OSBP2: variants seen among roughly 807,000 people sequenced by gnomAD.
OSBP2 encodes oxysterol binding protein 2, also known as oxysterol-binding protein 2.
In OSBP2, 66 loss-of-function variants were observed where a neutral mutation model predicts 96.0. That is an observed-to-expected ratio of 0.69 (90% CI 0.56 to 0.84). The LOEUF (loss-of-function observed/expected upper bound fraction) is 0.84, where lower values mean the gene tolerates loss of function less well. OSBP2 is among the 40% of genes least tolerant of loss of function. OSBP2 has a pLI of 0.00. For missense variants in OSBP2, 1,038 were observed against 1,222.7 expected, an observed-to-expected ratio of 0.85 and a Z score of 2.25; for synonymous variants, 525 against 520.9, an observed-to-expected ratio of 1.01 and a Z score of -0.11.
At chr22:30,882,069 T>G (rs2039714789) in intron 3 of OSBP2, among the ~76,000 whole-genome samples, 1 of 152,172 alleles carries the variant, frequency 6.6e-6, no homozygotes, top group African/African-American at 2.4e-5. Flanking sequence ...CAGCTGGCCC[T>G]TTGGTAGCCT....
intron 2 of OSBP2, among the ~76,000 whole-genome samples, chr22:30,749,396 C>A (rs1340931317): frequency 6.6e-6 from 1 of 152,116 alleles, no homozygotes; most frequent in Non-Finnish European, 1.5e-5. Flanking sequence ...GAGTGCCCAA[C>A]CTCCTGGGAA....
chr22:30,860,779 G>T (rs5997792), intron 2 of OSBP2, among the ~76,000 whole-genome samples: 46,844 of 152,136 alleles, frequency 0.31, 7,918 homozygotes, highest in African/African-American at 0.46. Context: ...TAGGCTGGGT[G>T]TTCTGCCGGC....
intron 2 of OSBP2, among the ~76,000 whole-genome samples, chr22:30,801,700 C>T (rs1233659346): frequency 1.3e-5 from 2 of 152,126 alleles, no homozygotes; most frequent in African/African-American, 2.4e-5. Context: ...AGGGCTGGGG[C>T]GGTGGCTTAT....
At chr22:30,732,209 CAGG>C (rs1360058328) in intron 1 of OSBP2, among the ~76,000 whole-genome samples, 2 of 152,122 alleles carry the variant, frequency 1.3e-5, no homozygotes, top group Non-Finnish European at 2.9e-5. Flanking sequence ...GAGGCTGAGA[CAGG>C]AGAATCACTT....
chr22:30,780,102 A>G (rs778437393), intron 2 of OSBP2, among the ~76,000 whole-genome samples: 2 of 152,246 alleles, frequency 1.3e-5, no homozygotes, highest in Non-Finnish European at 2.9e-5. Flanking sequence ...CCAGAACTGA[A>G]GGATCATTCA....
chr22:30,722,914 G>T (rs543760959), intron 1 of OSBP2, among the ~76,000 whole-genome samples: 1 of 151,144 alleles, frequency 6.6e-6, no homozygotes, highest in Non-Finnish European at 1.5e-5. Context: ...TCTCCGAAGA[G>T]CTGGGACTAC....
At chr22:30,719,641 C>G (rs2089514783) in intron 1 of OSBP2, among the ~76,000 whole-genome samples, 1 of 151,454 alleles carries the variant, frequency 6.6e-6, no homozygotes, top group Non-Finnish European at 1.5e-5. Flanking sequence ...GTAATCCCAG[C>G]TACTTGGAAG....
intron 2 of OSBP2, among the ~76,000 whole-genome samples, chr22:30,833,948 T>C (rs770888233): frequency 1.3e-5 from 2 of 151,310 alleles, no homozygotes; most frequent in African/African-American, 2.5e-5. Context: ...AAGAACTGTA[T>C]AATCAACACT....
In OSBP2 at chr22:30,889,610, C is replaced by T. The variant is rs202112750; in HGVS notation, c.1597C>T (p.Arg533Trp). Reference sequence around the variant, plus strand: ...GAGCATCATGAAGAACTGCATCGGCCGGGAGCTCTCCAGGATCCCCATGCC... The same window carrying T: ...GAGCATCATGAAGAACTGCATCGGCTGGGAGCTCTCCAGGATCCCCATGCC... ...LWSIMKNCIGRELSRIPMPVN... is the reference protein window; with the variant it reads ...LWSIMKNCIGWELSRIPMPVN... Residue 533 changes from arginine to tryptophan, a missense_variant, in exon 7 of 14, where the codon CGG (arginine) becomes TGG (tryptophan). Arg to Trp is a moderately radical substitution (Grantham distance 101, BLOSUM62 -3). Transcript: ENST00000332585. The T allele has an allele frequency of 8.6e-5, 138 of 1,613,946 alleles. No homozygotes were observed. The highest frequency in any genetic ancestry group is 1.1e-4 in the Non-Finnish European group (130 of 1,180,000).
intron 2 of OSBP2, chr22:30,822,431 C>T: frequency 9.4e-7 from 1 of 1,068,608 alleles, no homozygotes; most frequent in Non-Finnish European, 1.2e-6. Context: ...GGCTCGGCTC[C>T]CGCGGCGCGG....
At chr22:30,736,054 C>T (rs2089849803) in intron 1 of OSBP2, among the ~76,000 whole-genome samples, 1 of 152,086 alleles carries the variant, frequency 6.6e-6, no homozygotes, top group South Asian at 2.1e-4. Context: ...GCTGGAATTA[C>T]AGCTACACAC....
intron 2 of OSBP2, among the ~76,000 whole-genome samples, chr22:30,828,326 G>A (rs2146996786): frequency 6.6e-6 from 1 of 152,330 alleles, no homozygotes; most frequent in Middle Eastern, 3.4e-3. Flanking sequence ...AGGGCACATA[G>A]TGTCCACAGC....
intron 1 of OSBP2, among the ~76,000 whole-genome samples, chr22:30,710,809 C>T (rs564998248): frequency 1.6e-3 from 246 of 152,234 alleles, no homozygotes; most frequent in African/African-American, 5.4e-3. Flanking sequence ...TGGGGTTTCA[C>T]CATGTTGGCC....
intron 2 of OSBP2, among the ~76,000 whole-genome samples, chr22:30,847,270 C>T (rs1441237251): frequency 1.3e-5 from 2 of 151,744 alleles, no homozygotes; most frequent in East Asian, 1.9e-4. Context: ...GAGGCACCTG[C>T]ACCCAGGCTC....
intron 2 of OSBP2, among the ~76,000 whole-genome samples, chr22:30,754,454 C>G (rs1457328742): frequency 6.6e-6 from 1 of 152,146 alleles, no homozygotes; most frequent in Non-Finnish European, 1.5e-5. Flanking sequence ...TTGGACCTGG[C>G]CTTTAAGGAG....
chr22:30,717,598 A>C (rs1319782780), intron 1 of OSBP2, among the ~76,000 whole-genome samples: 1 of 152,228 alleles, frequency 6.6e-6, no homozygotes, highest in African/African-American at 2.4e-5. Context: ...CCCTGTACTT[A>C]CAAAAAGAAT....
chr22:30,788,180 G>A (rs2090621400), intron 2 of OSBP2, among the ~76,000 whole-genome samples: 1 of 152,172 alleles, frequency 6.6e-6, no homozygotes, highest in South Asian at 2.1e-4. Context: ...CTCAGTACAA[G>A]TGACAGTGAT....
intron 2 of OSBP2, among the ~76,000 whole-genome samples, chr22:30,858,156 T>C (rs1451778549): frequency 7.0e-6 from 1 of 143,012 alleles, no homozygotes; most frequent in Non-Finnish European, 1.5e-5. Context: ...TGTTTGTTTT[T>C]TGAGACGGAG....
chr22:30,843,613 C>T (rs1401658647), intron 2 of OSBP2, among the ~76,000 whole-genome samples: 3 of 152,112 alleles, frequency 2.0e-5, no homozygotes, highest in African/African-American at 7.2e-5. Flanking sequence ...CCTGTAATCC[C>T]AGCACTGTGG....
Sources: gnomAD v4.1 joint callset for allele counts (sites outside exome capture counted in the v4.1 genomes callset) on GRCh38, gnomAD v4.1.1 for gene constraint, MANE v1.5 for transcripts, NCBI Gene and HGNC (gene_info 2026-07-23, HGNC 2026-07-21) for gene names.